GRIK3: variants seen among roughly 807,000 people sequenced by gnomAD.
GRIK3 encodes glutamate receptor ionotropic, kainate 3.
A neutral mutation model predicts 102.5 loss-of-function variants in GRIK3; 29 were observed. The ratio of observed to expected loss-of-function variants is 0.28; its 90% CI spans 0.21 to 0.39. GRIK3 has a LOEUF of 0.39. Among genes scored for constraint, GRIK3 ranks in the 10% least tolerant of loss-of-function variants. GRIK3 has a pLI of 1.00. For missense variants in GRIK3, 908 were observed against 1,252.4 expected, an observed-to-expected ratio of 0.73 and a Z score of 4.15; for synonymous variants, 511 against 504.9, an observed-to-expected ratio of 1.01 and a Z score of -0.16.
At chr1:36,877,578 A>G (rs1640923677) in intron 3 of GRIK3, among the ~76,000 whole-genome samples, 1 of 152,108 alleles carries the variant, frequency 6.6e-6, no homozygotes, top group Non-Finnish European at 1.5e-5. Flanking sequence ...GACATCAGAG[A>G]CCTTGCATAG....
chr1:36,939,317 T>C (rs3767078), intron 1 of GRIK3, among the ~76,000 whole-genome samples: 2,114 of 152,262 alleles, frequency 0.014, 38 homozygotes, highest in South Asian at 0.095. Context: ...GAAGAAACTC[T>C]CTCAAACAAA....
intron 5 of GRIK3, among the ~76,000 whole-genome samples, chr1:36,864,494 C>T (rs1410666333): frequency 6.6e-6 from 1 of 150,408 alleles, no homozygotes; most frequent in African/African-American, 2.4e-5. Flanking sequence ...CCAGGGCCTC[C>T]ATGACTCGAT....
At chr1:36,859,364 G>A (rs1042609922) in intron 6 of GRIK3, 113 bp from the exon 7 acceptor site, 8 of 1,198,026 alleles carry the variant, frequency 6.7e-6, no homozygotes, top group African/African-American at 1.5e-5. Flanking sequence ...CCTGGTGAGC[G>A]AACAGGCCCA....
intron 10 of GRIK3, among the ~76,000 whole-genome samples, chr1:36,831,677 C>T (rs1209765212): frequency 6.6e-6 from 1 of 152,228 alleles, no homozygotes; most frequent in Non-Finnish European, 1.5e-5. Context: ...TCTGTTTGCA[C>T]TGCCCAATAT....
At chr1:37,014,065 C>T (rs953224369) in intron 1 of GRIK3, among the ~76,000 whole-genome samples, 19 of 152,258 alleles carry the variant, frequency 1.2e-4, no homozygotes, top group African/African-American at 2.9e-4. Flanking sequence ...CTTCACAAGG[C>T]AGGCTTCTCT....
chr1:37,011,838 C>T (rs1242501494), intron 1 of GRIK3, among the ~76,000 whole-genome samples: 2 of 152,308 alleles, frequency 1.3e-5, no homozygotes, highest in Non-Finnish European at 1.5e-5. Flanking sequence ...AGCAAGGCTA[C>T]GAATGATGGG....
At chr1:36,813,651 A>G (rs1236116539) in intron 13 of GRIK3, among the ~76,000 whole-genome samples, 1 of 151,930 alleles carries the variant, frequency 6.6e-6, no homozygotes, top group Non-Finnish European at 1.5e-5. Flanking sequence ...CCAGAAGGCT[A>G]TCACCTGGCC....
chr1:36,840,914 C>T (rs1324112497), intron 10 of GRIK3, among the ~76,000 whole-genome samples: 1 of 152,180 alleles, frequency 6.6e-6, no homozygotes, highest in Non-Finnish European at 1.5e-5. Flanking sequence ...ACTCTAGGCC[C>T]AGTCTTCTGC....
At chr1:36,920,245 T>C (rs1570799565) in intron 1 of GRIK3, among the ~76,000 whole-genome samples, 1 of 152,204 alleles carries the variant, frequency 6.6e-6, no homozygotes, top group African/African-American at 2.4e-5. Flanking sequence ...GCAGTTCTTG[T>C]GCCAGCTCAG....
At chr1:36,917,711 A>T (rs1284480930) in intron 1 of GRIK3, among the ~76,000 whole-genome samples, 1 of 152,240 alleles carries the variant, frequency 6.6e-6, no homozygotes, top group Non-Finnish European at 1.5e-5. Flanking sequence ...AAGTCCATTA[A>T]ACCTCTTTCT....
At chr1:36,817,001 A>C in intron 13 of GRIK3, 59 bp downstream of exon 13, 1 of 1,203,666 alleles carries the variant, frequency 8.3e-7, no homozygotes, top group Non-Finnish European at 1.2e-6. Context: ...TCTTCTGCTC[A>C]GTAAAGGGTC....
intron 1 of GRIK3, among the ~76,000 whole-genome samples, chr1:36,910,970 C>G (rs370808091): frequency 1.3e-5 from 2 of 152,256 alleles, no homozygotes; most frequent in African/African-American, 4.8e-5. Context: ...TGGGGAGACT[C>G]AGAGGAGAGG....
chr1:36,930,194 G>A (rs547125565), intron 1 of GRIK3, among the ~76,000 whole-genome samples: 13 of 152,308 alleles, frequency 8.5e-5, no homozygotes, highest in Middle Eastern at 3.4e-3. Flanking sequence ...ATACCAGGGG[G>A]AAGGATCAAT....
rs201779818 is a variant in GRIK3 at position 36,813,791 on chromosome 1, T to TG, written c.2091+3268dup. On this transcript the variant is annotated intron_variant, in intron 13 of 15. Transcript: ENST00000373091. Reference sequence around the variant, plus strand: ...GGTGCTTCTAGCTCATCATCTGAGGTGGGGGGGCAGTTAATGTATCTACAT... The same window carrying TG: ...GGTGCTTCTAGCTCATCATCTGAGGTGGGGGGGGCAGTTAATGTATCTACAT... 7.9e-3 allele frequency among the ~76,000 whole-genome samples: 931 copies of TG among 118,030 alleles called. 12 individuals are homozygous for TG. Among genetic ancestry groups the TG allele is most frequent in the African/African-American group, 0.028 (877 of 31,418 alleles). 77.4% of individuals were successfully genotyped at this position (118,030 alleles called of 152,430 possible). A position where few individuals can be genotyped will look rare whatever the true frequency, so the allele number is the denominator to read the frequency against.
intron 10 of GRIK3, among the ~76,000 whole-genome samples, chr1:36,826,633 C>G (rs943068470): frequency 6.6e-6 from 1 of 150,726 alleles, no homozygotes; most frequent in African/African-American, 2.4e-5. Flanking sequence ...GTGATCGTGC[C>G]ACTGCACTCC....
In GRIK3 at chr1:36,850,968, C is replaced by A. The variant is rs543019940; in HGVS notation, c.1213-544G>T. 6.6e-6 allele frequency among the ~76,000 whole-genome samples: 1 copy of A among 152,206 alleles called. No individual in the cohort carries two copies. Among genetic ancestry groups the A allele is most frequent in the Non-Finnish European group, 1.5e-5 (1 of 68,034 alleles). On this transcript the variant is annotated intron_variant, in intron 8 of 15. Transcript: ENST00000373091. The surrounding 1 kb of genome is among the most constrained non-coding windows in gnomAD (Gnocchi z 4.0). ...GGTAGAATAATCTCTCTCTCTACAG[C>A]GTCCTTGTGGATATCGGGCCTGAGG...
chr1:36,813,793 G>T (rs964839311), intron 13 of GRIK3, among the ~76,000 whole-genome samples: 1 of 151,358 alleles, frequency 6.6e-6, no homozygotes, highest in African/African-American at 2.4e-5. Flanking sequence ...ATCTGAGGTG[G>T]GGGGGCAGTT....
intron 1 of GRIK3, among the ~76,000 whole-genome samples, chr1:36,978,072 C>T (rs1024087973): frequency 5.3e-5 from 8 of 152,234 alleles, no homozygotes; most frequent in African/African-American, 1.7e-4. Context: ...CATAGCACGA[C>T]GCAATTTAAA....
In GRIK3 at chr1:36,836,727, A is replaced by G. The variant is rs187439581; in HGVS notation, c.1530+5009T>C. ...ATCCATACTGCAGTGAGATGTGACAACTTAGAGAGAAAAGAATCCATTTCC... is the reference window on the plus strand; with the variant it reads ...ATCCATACTGCAGTGAGATGTGACAGCTTAGAGAGAAAAGAATCCATTTCC... On this transcript the variant is annotated intron_variant, in intron 10 of 15. Coordinates refer to ENST00000373091, the MANE Select transcript of GRIK3 (RefSeq NM_000831.4). 1.0e-3 allele frequency among the ~76,000 whole-genome samples: 152 copies of G among 152,326 alleles called. 4 individuals are homozygous for G. In the South Asian group the frequency reaches 0.013, roughly 13 times the overall value.
Sources: gnomAD v4.1 joint callset for allele counts (sites outside exome capture counted in the v4.1 genomes callset) on GRCh38, gnomAD v4.1.1 for gene constraint, Gnocchi (gnomAD v3.1) non-coding constraint, MANE v1.5 for transcripts, NCBI Gene and HGNC (gene_info 2026-07-23, HGNC 2026-07-21) for gene names.